The following LMAN1 variants were observed in gnomAD, a reference collection of about 807,000 sequenced individuals.
LMAN1 encodes the protein protein ERGIC-53.
A neutral mutation model predicts 67.8 loss-of-function variants in LMAN1; 32 were observed. The ratio of observed to expected loss-of-function variants is 0.47; its 90% confidence interval spans 0.36 to 0.63. LMAN1 has a LOEUF of 0.63. Among genes scored for constraint, LMAN1 ranks in the 30% least tolerant of loss-of-function variants. The pLI is 0.00. For missense variants in LMAN1, 632 were observed against 628.2 expected, an observed-to-expected ratio of 1.01 and a Z score of -0.06; for synonymous variants, 235 against 219.3, an observed-to-expected ratio of 1.07 and a Z score of -0.63.
At chr18:59,358,967 G>A in intron 1 of LMAN1, 64 bp downstream of exon 1, 1 of 1,513,674 alleles carries the variant, frequency 6.6e-7, no homozygotes, top group Middle Eastern at 2.2e-4. Context: ...AGCCGCGGAT[G>A]AAAGGCGAAG....
In LMAN1 at chr18:59,338,766, A is replaced by T. The variant is rs1908220338; in HGVS notation, c.1143T>A (p.His381Gln). ...SKRGAGMPGQ[H>Q]GQITQQELDT... Reference sequence around the variant, plus strand: ...GCATATTCTGCAAGCCCACCTGCCCATGCTGCCCAGGCATTCCTGCTCCTC... The same window carrying T: ...GCATATTCTGCAAGCCCACCTGCCCTTGCTGCCCAGGCATTCCTGCTCCTC... The change falls in exon 9 of 13, where the codon CAT becomes CAA. Residue 381 changes from histidine (H) to glutamine (Q), a missense_variant. By Grantham distance (24) the His-to-Gln change is conservative. Coordinates refer to ENST00000251047, the MANE Select transcript of LMAN1 (RefSeq NM_005570.4). 6.2e-7 allele frequency: 1 copy of T among 1,614,146 alleles called. No individual in the cohort carries two copies. The highest frequency in any genetic ancestry group is 2.2e-5 in the East Asian group (1 of 44,872).
intron 4 of LMAN1, 106 bp downstream of exon 4, chr18:59,354,413 A>C (rs1482653898): frequency 3.9e-5 from 28 of 717,186 alleles, no homozygotes; most frequent in Non-Finnish European, 6.5e-5. Flanking sequence ...AAGAAAAAGA[A>C]CAGTATTTTT....
At chr18:59,356,580 T>A (rs1361335573) in intron 1 of LMAN1, among the ~76,000 whole-genome samples, 1 of 152,214 alleles carries the variant, frequency 6.6e-6, no homozygotes, top group South Asian at 2.1e-4. Flanking sequence ...AATCTCACTT[T>A]ACAGGTAGAA....
chr18:59,333,049 C>A, intron 11 of LMAN1, 42 bp downstream of exon 11: 1 of 1,527,546 alleles, frequency 6.5e-7, no homozygotes, highest in South Asian at 1.1e-5. Flanking sequence ...TTCTTCCTTT[C>A]CTAAAGATTA....
chr18:59,358,562 G>A (rs1321198321), intron 1 of LMAN1, among the ~76,000 whole-genome samples: 1 of 151,294 alleles, frequency 6.6e-6, no homozygotes, highest in African/African-American at 2.4e-5. Context: ...TAACACCGGA[G>A]CAAAGAAATC....
intron 1 of LMAN1, among the ~76,000 whole-genome samples, chr18:59,358,637 G>A (rs1431239855): frequency 6.6e-6 from 1 of 152,068 alleles, no homozygotes; most frequent in Admixed American, 6.5e-5. Flanking sequence ...CATGTCTCAG[G>A]TTGGGATGGC....
intron 1 of LMAN1, among the ~76,000 whole-genome samples, chr18:59,356,923 G>A (rs1908672176): frequency 6.6e-6 from 1 of 152,166 alleles, no homozygotes; most frequent in African/African-American, 2.4e-5. Context: ...GGCCTTAAGT[G>A]TACTAAAGGA....
chr18:59,336,499 T>C (rs766557398), intron 10 of LMAN1, among the ~76,000 whole-genome samples: 2 of 152,124 alleles, frequency 1.3e-5, no homozygotes, highest in African/African-American at 2.4e-5. Flanking sequence ...CTGATCTAAA[T>C]AAATAACTAA....
At chr18:59,345,570 A>AAG (rs1272167742) in intron 8 of LMAN1, among the ~76,000 whole-genome samples, 2 of 152,186 alleles carry the variant, frequency 1.3e-5, no homozygotes, top group East Asian at 3.8e-4. Context: ...CTGAACCTGA[A>AAG]CTACTAGGTT....
Position 59,359,023 on chromosome 18 carries a change from C to T in LMAN1, c.214+8G>A, listed in dbSNP as rs746600380. ...GAACCCGGCCCCCAGCCCTCTGCTC[C>T]GGCTTACTCCCCGCGTGGGCCCAGA... On this transcript the variant is annotated splice_region_variant and intron_variant, in intron 1 of 12. Transcript: ENST00000251047. The T allele has an allele frequency of 2.5e-6, 4 of 1,613,358 alleles. No individual in the cohort carries two copies. The highest frequency in any genetic ancestry group is 3.4e-6 in the Non-Finnish European group (4 of 1,179,744).
rs1162187129 is a variant in LMAN1, at chr18:59,338,619, T to C, written c.1158A>G (p.Gln386=). Residue 386 remains glutamine (Q), a synonymous_variant, in exon 10 of 13, where the codon CAA becomes CAG. Coordinates refer to ENST00000251047, the MANE Select transcript of LMAN1 (RefSeq NM_005570.4). Reference sequence around the variant, plus strand: ...TTTTCACAACAGTATCCAGTTCTTGTTGAGTAATCTGGAGGAAGAAACAAT... The same window carrying C: ...TTTTCACAACAGTATCCAGTTCTTGCTGAGTAATCTGGAGGAAGAAACAAT... ...GMPGQHGQIT[Q]QELDTVVKTQ... The C allele has an allele frequency of 5.6e-6, 9 of 1,613,550 alleles. No individual in the cohort carries two copies. Among genetic ancestry groups the C allele is most frequent in the Non-Finnish European group, 7.6e-6 (9 of 1,179,604 alleles).
chr18:59,338,492 C>A, intron 10 of LMAN1, 65 bp downstream of exon 10: 2 of 1,310,022 alleles, frequency 1.5e-6, no homozygotes, highest in Non-Finnish European at 2.2e-6. Context: ...GCTTGCACAC[C>A]TGAAGTCACA....
intron 7 of LMAN1, among the ~76,000 whole-genome samples, chr18:59,346,387 A>G (rs1006660287): frequency 1.4e-5 from 2 of 148,102 alleles, no homozygotes; most frequent in African/African-American, 2.5e-5. Context: ...TGCCCAGCTA[A>G]TTTTTTTTGT....
intron 1 of LMAN1, 66 bp from the exon 2 acceptor site, chr18:59,355,724 A>G (rs575993577): frequency 3.3e-6 from 5 of 1,531,472 alleles, no homozygotes; most frequent in East Asian, 4.5e-5. Context: ...GATCATTTCC[A>G]AACTGCTAAA....
chr18:59,331,839 C>T (rs1475304862), intron 11 of LMAN1, among the ~76,000 whole-genome samples: 7 of 152,144 alleles, frequency 4.6e-5, no homozygotes, highest in Non-Finnish European at 2.9e-5. Flanking sequence ...AGCGTCACCA[C>T]AGACAACTCC....
chr18:59,336,647 G>T (rs1908154044), intron 10 of LMAN1, among the ~76,000 whole-genome samples: 1 of 152,210 alleles, frequency 6.6e-6, no homozygotes, highest in Non-Finnish European at 1.5e-5. Context: ...ACTATGGGAG[G>T]CAGAGGCAGG....
At chr18:59,340,422 C>G (rs1411088353) in intron 8 of LMAN1, among the ~76,000 whole-genome samples, 1 of 151,882 alleles carries the variant, frequency 6.6e-6, no homozygotes, top group Non-Finnish European at 1.5e-5. Flanking sequence ...GAAATTCCAT[C>G]AGATTAACAG....
intron 4 of LMAN1, 23 bp downstream of exon 4, chr18:59,354,496 T>G (rs2144232262): frequency 7.6e-7 from 1 of 1,315,136 alleles, no homozygotes. Flanking sequence ...AAATCAGGAG[T>G]AATGTAAAAA....
At chr18:59,347,393 C>T (rs1467548942) in intron 7 of LMAN1, 120 bp downstream of exon 7, 5 of 525,424 alleles carry the variant, frequency 9.5e-6, no homozygotes, top group Admixed American at 3.2e-5. Context: ...CAGTGACTTG[C>T]ACAAGACCAT....
Sources: allele counts gnomAD v4.1 joint callset (sites outside exome capture counted in the v4.1 genomes callset), GRCh38; gene constraint gnomAD v4.1.1; transcripts MANE v1.5; gene names NCBI Gene and HGNC (gene_info 2026-07-23, HGNC 2026-07-21).